CFAP54: variants seen among roughly 807,000 people sequenced by gnomAD.
CFAP54 encodes cilia- and flagella-associated protein 54.
Under a neutral mutation model 370.4 loss-of-function variants are expected in CFAP54, and 290 were observed. That is an observed-to-expected ratio of 0.78 (90% confidence interval 0.71 to 0.86). CFAP54 has a LOEUF of 0.86. CFAP54 is among the 40% of genes least tolerant of loss of function. CFAP54 has a pLI of 0.00. For synonymous variants in CFAP54, 1,206 were observed against 1,236.5 expected, an observed-to-expected ratio of 0.98 and a Z score of 0.52; for missense variants, 3,399 against 3,528.7, an observed-to-expected ratio of 0.96 and a Z score of 0.93.
At chr12:96,490,239 A>C (rs549299741) in intron 1 of CFAP54, among the ~76,000 whole-genome samples, 1 of 152,352 alleles carries the variant, frequency 6.6e-6, no homozygotes, top group African/African-American at 2.4e-5. Flanking sequence ...AGAACCTTAA[A>C]AAGAGTTCGC....
At chr12:96,810,725 G>C (rs1280108403) in intron 63 of CFAP54, among the ~76,000 whole-genome samples, 4 of 152,174 alleles carry the variant, frequency 2.6e-5, no homozygotes, top group Non-Finnish European at 5.9e-5. Context: ...TGCAAACAAA[G>C]GTTGTCCGAT....
chr12:96,842,386 T>C (rs1442162826), intron 66 of CFAP54, among the ~76,000 whole-genome samples: 1 of 152,164 alleles, frequency 6.6e-6, no homozygotes, highest in East Asian at 1.9e-4. Flanking sequence ...ATAGAGAACA[T>C]TTCCATCACA....
chr12:96,525,594 A>G lies in CFAP54; in HGVS notation c.1159-1652A>G, dbSNP rs73374073. Among the ~76,000 whole-genome samples, 231 of 152,160 alleles carry G rather than the reference A, an allele frequency of 1.5e-3. 1 individual carries two copies. The highest frequency in any genetic ancestry group is 5.4e-3 in the African/African-American group (224 of 41,522). ...TTATAAAGTTAATTATGCTGTTTCA[A>G]TATGTATTTTTAAAAGCTCTGTTTT... On this transcript the variant is annotated intron_variant, in intron 8 of 67. Transcript: ENST00000524981.
At chr12:96,515,912 GTTTTTTTTTTTTTTT>G (rs71437221) in intron 5 of CFAP54, among the ~76,000 whole-genome samples, 2 of 108,270 alleles carry the variant, frequency 1.8e-5, no homozygotes, top group African/African-American at 7.5e-5. Flanking sequence ...TTACCTCTAT[GTTTTTTTTTTTTTTT>G]TTTTTTGATA....
intron 48 of CFAP54, among the ~76,000 whole-genome samples, chr12:96,715,671 A>G (rs935191366): frequency 3.3e-5 from 5 of 152,176 alleles, no homozygotes; most frequent in African/African-American, 4.8e-5. Context: ...GGAATATTCT[A>G]CCTGCATACT....
At chr12:96,863,090 G>T (rs1959916595) in intron 67 of CFAP54, among the ~76,000 whole-genome samples, 1 of 152,068 alleles carries the variant, frequency 6.6e-6, no homozygotes, top group Non-Finnish European at 1.5e-5. Context: ...TTTAGTGAAT[G>T]TAAGTGCTTG....
At chr12:96,573,338 A>G (rs1955943347) in intron 19 of CFAP54, among the ~76,000 whole-genome samples, 3 of 152,156 alleles carry the variant, frequency 2.0e-5, no homozygotes, top group African/African-American at 7.2e-5. Context: ...TTCAGGTAGG[A>G]CTTTCTTCCC....
At chr12:96,670,842 G>A (rs1226894367) in intron 39 of CFAP54, among the ~76,000 whole-genome samples, 2 of 152,162 alleles carry the variant, frequency 1.3e-5, no homozygotes, top group Non-Finnish European at 2.9e-5. Context: ...CCAGCATAGG[G>A]CCTTGTTCTA....
intron 65 of CFAP54, among the ~76,000 whole-genome samples, chr12:96,826,379 A>G (rs1015300984): frequency 1.1e-5 from 1 of 93,180 alleles, no homozygotes; most frequent in African/African-American, 4.2e-5. Flanking sequence ...TATATATTCA[A>G]TATATTGTTA....
At chr12:96,630,693 G>T in intron 32 of CFAP54, 42 bp downstream of exon 32, 1 of 1,252,124 alleles carries the variant, frequency 8.0e-7, no homozygotes, top group Non-Finnish European at 1.1e-6. Context: ...TTACTTGAGG[G>T]TAACTATGTG....
At chr12:96,854,424 A>G (rs1383435137) in intron 66 of CFAP54, among the ~76,000 whole-genome samples, 1 of 151,844 alleles carries the variant, frequency 6.6e-6, no homozygotes, top group Non-Finnish European at 1.5e-5. Context: ...GGTTGAAATG[A>G]TAATTGCCCC....
Position 96,580,637 on chromosome 12 carries a change from G to A in CFAP54, c.2837G>A (p.Ser946Asn). The change falls in exon 21 of 68, where the codon AGT (serine) becomes AAT (asparagine). Residue 946 changes from serine (S) to asparagine (N), a missense_variant. Coordinates refer to ENST00000524981, the MANE Select transcript of CFAP54 (RefSeq NM_001306084.2). ...ATTTTGGGTTGCAAAGCAGAAGGAA[G>A]TTATGGAAAAGTACGGCTAAACAAT... ...YCILGCKAEG[S>N]YGKVRLNNNH... is the part of the protein sequence containing the mutation. 6.5e-7 allele frequency: 1 copy of A among 1,527,740 alleles called. No homozygotes were observed. Among genetic ancestry groups the A allele is most frequent in the Non-Finnish European group, 8.8e-7 (1 of 1,142,672 alleles). The allele number at this position is 1,527,740 out of a possible 1,614,324, so 94.6% of individuals were successfully genotyped here. A position where few individuals can be genotyped will look rare whatever the true frequency, so the allele number is the denominator to read the frequency against.
chr12:96,862,443 T>C (rs1959900543), intron 67 of CFAP54, among the ~76,000 whole-genome samples: 1 of 152,038 alleles, frequency 6.6e-6, no homozygotes, highest in African/African-American at 2.4e-5. Context: ...CAGTAGATAA[T>C]AGGGTGCCAT....
chr12:96,837,932 C>G (rs185323689), intron 66 of CFAP54, among the ~76,000 whole-genome samples: 1 of 152,196 alleles, frequency 6.6e-6, no homozygotes, highest in Non-Finnish European at 1.5e-5. Context: ...CTCCATGGTT[C>G]TTCTAGCATT....
At chr12:96,857,426 A>C (rs1010378315) in intron 66 of CFAP54, among the ~76,000 whole-genome samples, 1 of 149,086 alleles carries the variant, frequency 6.7e-6, no homozygotes, top group African/African-American at 2.4e-5. Flanking sequence ...TGCTGAGGAT[A>C]ATAGCCTCTA....
intron 42 of CFAP54, 131 bp downstream of exon 42, chr12:96,685,369 C>T (rs993687745): frequency 4.3e-6 from 3 of 696,092 alleles, no homozygotes; most frequent in Non-Finnish European, 7.4e-6. Flanking sequence ...TCATACAGGG[C>T]CTTACAGTTT....
chr12:96,738,272 G>A (rs1958004673), intron 50 of CFAP54, among the ~76,000 whole-genome samples: 1 of 152,162 alleles, frequency 6.6e-6, no homozygotes, highest in South Asian at 2.1e-4. Context: ...GGTTTGGGTG[G>A]AGGAGATGGA....
chr12:96,781,405 G>C (rs1221372183), intron 60 of CFAP54, among the ~76,000 whole-genome samples: 1 of 152,052 alleles, frequency 6.6e-6, no homozygotes, highest in Admixed American at 6.6e-5. Flanking sequence ...TATCCTTTGT[G>C]GGTCACAAGG....
chr12:96,858,949 G>A (rs1959790696), intron 66 of CFAP54, among the ~76,000 whole-genome samples: 1 of 152,066 alleles, frequency 6.6e-6, no homozygotes, highest in African/African-American at 2.4e-5. Context: ...AATAGCCAAG[G>A]CAATCTTAAG....
Sources: gnomAD v4.1 joint callset for allele counts (sites outside exome capture counted in the v4.1 genomes callset) on GRCh38, gnomAD v4.1.1 for gene constraint, MANE v1.5 for transcripts, NCBI Gene and HGNC (gene_info 2026-07-23, HGNC 2026-07-21) for gene names.